LIN7A: variants seen among roughly 807,000 people sequenced by gnomAD.
The protein encoded by LIN7A is lin-7 cell polarity scaffold A.
LIN7A carries 25 observed loss-of-function variants against 29.8 expected under a neutral mutation model. The ratio of observed to expected loss-of-function variants is 0.84; its 90% CI spans 0.61 to 1.17. LIN7A has a LOEUF of 1.17. LIN7A is among the 50% of genes most tolerant of loss of function. The pLI is 0.00. For synonymous variants in LIN7A, 118 were observed against 107.5 expected (o/e 1.10, Z -0.60); for missense variants, 239 against 287.0 (o/e 0.83, Z 1.21).
chr12:80,845,932 A>G lies in LIN7A; in HGVS notation c.281T>C (p.Val94Ala). The G allele has an allele frequency of 6.3e-7, 1 of 1,575,980 alleles. No individual in the cohort carries two copies. Residue 94 changes from valine to alanine, a missense_variant, in exon 4 of 6, where the codon GTT becomes GCT. By Grantham distance (64) the Val-to-Ala change is moderately conservative. Coordinates refer to ENST00000552864, the MANE Select transcript of LIN7A (RefSeq NM_004664.4). Reference protein sequence around the residue: ...FRARATAKATVAAFAASEGHS... With the variant: ...FRARATAKATAAAFAASEGHS... The stretch of plus-strand genomic sequence containing the variant: ...GCCTTCACTAGCTGCAAAAGCTGCA[A>G]CTGTTGCCTGAAAAAAAAAAAAAAA...
chr12:80,823,589 G>T (rs1024406301), intron 4 of LIN7A, among the ~76,000 whole-genome samples: 1 of 152,194 alleles, frequency 6.6e-6, no homozygotes, highest in South Asian at 2.1e-4. Flanking sequence ...CCCCTGGTAG[G>T]CACAGGATCC....
chr12:80,913,545 C>A (rs910216788), intron 1 of LIN7A, among the ~76,000 whole-genome samples: 1 of 152,016 alleles, frequency 6.6e-6, no homozygotes, highest in African/African-American at 2.4e-5. Flanking sequence ...CAATACCAGC[C>A]GGAGAAAAGA....
chr12:80,854,171 T>G (rs962564833), intron 2 of LIN7A, among the ~76,000 whole-genome samples: 1 of 152,200 alleles, frequency 6.6e-6, no homozygotes, highest in Non-Finnish European at 1.5e-5. Flanking sequence ...GAAATACTTA[T>G]AGCAACTTTA....
At chr12:80,926,927 CA>C (rs35483715) in intron 1 of LIN7A, among the ~76,000 whole-genome samples, 5,769 of 55,840 alleles carry the variant, frequency 0.1, 146 homozygotes, top group African/African-American at 0.24. Flanking sequence ...GACTCCATCT[CA>C]AAAAAAAAAA....
intron 4 of LIN7A, among the ~76,000 whole-genome samples, chr12:80,814,406 AC>A (rs1216449355): frequency 2.1e-5 from 3 of 140,056 alleles, no homozygotes; most frequent in Non-Finnish European, 4.8e-5. Context: ...ATTAAAACTT[AC>A]ATGTTTATGT....
intron 1 of LIN7A, among the ~76,000 whole-genome samples, chr12:80,902,213 A>ATG (rs1381382197): frequency 1.1e-4 from 11 of 100,368 alleles, no homozygotes; most frequent in African/African-American, 3.9e-4. Flanking sequence ...CCATTGGTCT[A>ATG]TGTGTTTTTT....
At position 80,848,305 on chromosome 12, in the gene LIN7A, A is replaced by G; in HGVS notation, c.219T>C (p.His73=). Residue 73 remains histidine (H), a synonymous_variant, in exon 3 of 6, where the codon CAT becomes CAC. Coordinates refer to ENST00000552864, the MANE Select transcript of LIN7A (RefSeq NM_004664.4). ...TAIREVYQYM[H]ETITVNGCPE... ...GACAGCCATTAACAGTTATCGTTTC[A>G]TGCATATATTGATACACCTAAAATG... 9 of 1,611,446 alleles carry G rather than the reference A, an allele frequency of 5.6e-6. No individual in the cohort carries two copies. Among genetic ancestry groups the G allele is most frequent in the Non-Finnish European group, 7.6e-6 (9 of 1,177,704 alleles).
chr12:80,909,922 T>G (rs919669453), intron 1 of LIN7A, among the ~76,000 whole-genome samples: 8 of 152,026 alleles, frequency 5.3e-5, no homozygotes. Flanking sequence ...ATCTCTGTAT[T>G]AGGTTACTGT....
chr12:80,928,419 C>A (rs1002523693), intron 1 of LIN7A, among the ~76,000 whole-genome samples: 7 of 151,984 alleles, frequency 4.6e-5, no homozygotes, highest in African/African-American at 1.7e-4. Flanking sequence ...AGATGGCATC[C>A]CATTGTGGAT....
intron 1 of LIN7A, among the ~76,000 whole-genome samples, chr12:80,901,498 T>C (rs1876211574): frequency 6.6e-6 from 1 of 151,992 alleles, no homozygotes; most frequent in Non-Finnish European, 1.5e-5. Flanking sequence ...CTACCTTTTA[T>C]ATTGGTAGTG....
At chr12:80,908,734 A>G (rs752336373) in intron 1 of LIN7A, among the ~76,000 whole-genome samples, 11 of 152,118 alleles carry the variant, frequency 7.2e-5, no homozygotes, top group African/African-American at 1.2e-4. Flanking sequence ...TTTTCTCTAA[A>G]TACTAATGAT....
intron 2 of LIN7A, among the ~76,000 whole-genome samples, chr12:80,888,742 C>T (rs1875466245): frequency 6.6e-6 from 1 of 152,080 alleles, no homozygotes; most frequent in Non-Finnish European, 1.5e-5. Flanking sequence ...CTTGTTTCAC[C>T]TTAGTCTTCT....
In LIN7A at chr12:80,884,155, T is replaced by C. The variant is rs144348885; in HGVS notation, c.201+5096A>G. On this transcript the variant is annotated intron_variant, in intron 2 of 5. Transcript: ENST00000552864. ...ACCGTCTAATGGCTATAGGTACTTA[T>C]ATTGGTTACAAATTTCATATAAGTT... 7.2e-5 allele frequency among the ~76,000 whole-genome samples: 11 copies of C among 152,338 alleles called. No individual in the cohort carries two copies. The East Asian group carries it at 1.9e-3, about 27-fold the overall frequency.
At position 80,891,541 on chromosome 12, in the gene LIN7A, T is replaced by C. The variant is rs191287993; in HGVS notation, c.83-2172A>G. 1.3e-3 allele frequency among the ~76,000 whole-genome samples: 203 copies of C among 152,308 alleles called. 2 individuals carry two copies. The highest frequency in any genetic ancestry group is 3.2e-4 in the Non-Finnish European group (22 of 68,020). On this transcript the variant is annotated intron_variant, in intron 1 of 5. Coordinates refer to ENST00000552864, the MANE Select transcript of LIN7A (RefSeq NM_004664.4). The stretch of plus-strand genomic sequence containing the variant: ...TGCAATTCATTCATTTATGCAGTAG[T>C]GCTAGCCCTGGGCTGTGCACAGGAG...
intron 4 of LIN7A, among the ~76,000 whole-genome samples, chr12:80,812,946 C>A (rs1222133643): frequency 2.0e-5 from 3 of 152,100 alleles, no homozygotes; most frequent in Non-Finnish European, 2.9e-5. Context: ...GGACAATAGA[C>A]CTCAGAAAAG....
rs1592836923 is a variant in LIN7A, at chr12:80,794,547, C to G, written c.*3180G>C. ...GGGTCCTACGGGCACAGTTGAGTAA[C>G]ATGAAATGAGATAAGATCAGTTTGA... On this transcript the variant is annotated 3_prime_UTR_variant, in exon 6 of 6. Coordinates refer to ENST00000552864, the MANE Select transcript of LIN7A (RefSeq NM_004664.4). The G allele has an allele frequency of 6.6e-6, 1 of 152,082 alleles. No individual in the cohort carries two copies. Among genetic ancestry groups the G allele is most frequent in the Admixed American group, 6.6e-5 (1 of 15,252 alleles). 9.4% of individuals were successfully genotyped at this position (152,082 alleles called of 1,614,324 possible).
intron 1 of LIN7A, among the ~76,000 whole-genome samples, chr12:80,892,127 C>T (rs914287485): frequency 2.6e-5 from 4 of 152,146 alleles, no homozygotes; most frequent in African/African-American, 4.8e-5. Context: ...TCTGTTTGCA[C>T]GTACATCTCC....
In LIN7A at chr12:80,845,941, T is replaced by G; in HGVS notation, c.274-2A>C. ...AGCTGCAAAAGCTGCAACTGTTGCC[T>G]GAAAAAAAAAAAAAAAGATGGTCTT... On this transcript the variant is annotated splice_acceptor_variant, in intron 3 of 5. Transcript: ENST00000552864. LOFTEE classifies it high-confidence loss of function. 1 of 1,509,106 alleles carries G rather than the reference T, an allele frequency of 6.6e-7. No individual in the cohort carries two copies. Among genetic ancestry groups the G allele is most frequent in the Non-Finnish European group, 8.8e-7 (1 of 1,134,614 alleles). 93.5% of individuals were successfully genotyped at this position (1,509,106 alleles called of 1,614,324 possible). A position where few individuals can be genotyped will look rare whatever the true frequency, so the allele number is the denominator to read the frequency against.
intron 2 of LIN7A, among the ~76,000 whole-genome samples, chr12:80,856,596 T>C (rs1873612693): frequency 6.6e-6 from 1 of 152,166 alleles, no homozygotes; most frequent in African/African-American, 2.4e-5. Flanking sequence ...TCGTGTAGGC[T>C]ATTAGCTCCA....
Sources: allele counts gnomAD v4.1 joint callset (sites outside exome capture counted in the v4.1 genomes callset), GRCh38; gene constraint gnomAD v4.1.1; transcripts MANE v1.5; gene names NCBI Gene and HGNC (gene_info 2026-07-23, HGNC 2026-07-21).